The following TBC1D19 variants were observed in gnomAD, a reference collection of about 807,000 sequenced individuals.
TBC1D19 encodes the protein TBC1 domain family member 19.
Under a neutral mutation model 89.0 loss-of-function variants are expected in TBC1D19, and 60 were observed. The ratio of observed to expected loss-of-function variants is 0.67; its 90% CI spans 0.55 to 0.84. TBC1D19 has a LOEUF of 0.84. TBC1D19 is among the 40% of genes least tolerant of loss of function. TBC1D19 has a pLI of 0.00. For missense variants in TBC1D19, 500 were observed against 610.8 expected (o/e 0.82, Z 1.91); for synonymous variants, 189 against 199.7 (o/e 0.95, Z 0.45).
chr4:26,626,812 C>T (rs997161487), intron 4 of TBC1D19, among the ~76,000 whole-genome samples: 7 of 128,326 alleles, frequency 5.5e-5, no homozygotes, highest in African/African-American at 1.8e-4. Flanking sequence ...GGATAGAGCT[C>T]AAATTCTTTT....
At chr4:26,817,979 A>ATATATATATATATAT in the TBC1D19 span, among the ~76,000 whole-genome samples, 3 of 107,362 alleles carry the variant, frequency 2.8e-5, no homozygotes, top group African/African-American at 1.4e-4. Context: ...AAAAAAAAAA[A>ATATATATATATATAT]AAATATATAT....
intron 7 of TBC1D19, among the ~76,000 whole-genome samples, chr4:26,658,157 T>G (rs1744985291): frequency 6.6e-6 from 1 of 152,246 alleles, no homozygotes; most frequent in South Asian, 2.1e-4. Flanking sequence ...ACGAAGTCTT[T>G]GCCCATGCCT....
chr4:26,682,525 C>G (rs1411674351), intron 11 of TBC1D19, among the ~76,000 whole-genome samples: 1 of 152,186 alleles, frequency 6.6e-6, no homozygotes, highest in African/African-American at 2.4e-5. Context: ...CTCCTTGTCT[C>G]AGACGACCCT....
intron 1 of TBC1D19, 84 bp downstream of exon 1, chr4:26,584,376 C>T: frequency 7.6e-7 from 1 of 1,321,358 alleles, no homozygotes; most frequent in South Asian, 1.3e-5. Flanking sequence ...CAAGCCAGAG[C>T]TCGCCTCTGA....
chr4:26,620,697 T>C lies in TBC1D19; in HGVS notation c.294+9T>C. 6.2e-7 allele frequency: 1 copy of C among 1,611,982 alleles called. No homozygotes were observed. The highest frequency in any genetic ancestry group is 1.3e-5 in the African/African-American group (1 of 74,972). On this transcript the variant is annotated intron_variant, in intron 4 of 20. Coordinates refer to ENST00000264866, the MANE Select transcript of TBC1D19 (RefSeq NM_018317.4). Reference sequence around the variant, plus strand: ...ACATGAGGAAAGCACAGGTTGGCTATTGTTCAATTTCATTTTATTTTTTCA... The same window carrying C: ...ACATGAGGAAAGCACAGGTTGGCTACTGTTCAATTTCATTTTATTTTTTCA...
intron 4 of TBC1D19, among the ~76,000 whole-genome samples, chr4:26,629,187 G>A (rs962007977): frequency 8.6e-5 from 13 of 151,964 alleles, no homozygotes; most frequent in Non-Finnish European, 1.9e-4. Flanking sequence ...ATATGTTTCT[G>A]GGTATACTTG....
At chr4:26,735,102 A>ATGTATATATGTATACACATGTGTG in intron 15 of TBC1D19, among the ~76,000 whole-genome samples, 1 of 151,260 alleles carries the variant, frequency 6.6e-6, no homozygotes, top group South Asian at 2.1e-4. Context: ...ACATGTATAT[A>ATGTATATATGTATACACATGTGTG]TGTATATATG....
At chr4:26,769,382 T>A in the TBC1D19 span, among the ~76,000 whole-genome samples, 1 of 151,884 alleles carries the variant, frequency 6.6e-6, no homozygotes, top group Non-Finnish European at 1.5e-5. Flanking sequence ...AATAACCATG[T>A]GGGTAAATAG....
the TBC1D19 span, among the ~76,000 whole-genome samples, chr4:26,772,553 G>A: frequency 1.8e-4 from 28 of 152,130 alleles, no homozygotes; most frequent in East Asian, 5.0e-3. Flanking sequence ...TTGCTGCACA[G>A]ATCATCCCAT....
chr4:26,732,492 C>T (rs572679803), intron 15 of TBC1D19, among the ~76,000 whole-genome samples: 3 of 152,276 alleles, frequency 2.0e-5, no homozygotes, highest in African/African-American at 7.2e-5. Context: ...AGAACAGTGT[C>T]TGGCACATCG....
chr4:26,707,279 A>C (rs538853519), intron 13 of TBC1D19, among the ~76,000 whole-genome samples: 55 of 152,160 alleles, frequency 3.6e-4, no homozygotes, highest in Non-Finnish European at 2.2e-4. Flanking sequence ...AACTTTTGTT[A>C]ATATATAATG....
chr4:26,808,778 G>A, the TBC1D19 span, among the ~76,000 whole-genome samples: 1 of 151,638 alleles, frequency 6.6e-6, no homozygotes, highest in Admixed American at 6.6e-5. Flanking sequence ...AGCTAAGAGG[G>A]ACCTCTAGAA....
intron 11 of TBC1D19, among the ~76,000 whole-genome samples, chr4:26,682,605 G>A (rs1349613241): frequency 6.6e-6 from 1 of 152,184 alleles, no homozygotes; most frequent in Non-Finnish European, 1.5e-5. Flanking sequence ...CTTTGGGTTT[G>A]AGAGGAGGCT....
At chr4:26,610,370 G>A (rs1741288810) in intron 1 of TBC1D19, among the ~76,000 whole-genome samples, 1 of 144,692 alleles carries the variant, frequency 6.9e-6, no homozygotes, top group East Asian at 2.0e-4. Context: ...AAACCCCTCC[G>A]TTTCTGATAA....
At position 26,624,774 on chromosome 4, in the gene TBC1D19, A is replaced by T. The variant is rs76574042; in HGVS notation, c.294+4086A>T. Among the ~76,000 whole-genome samples the T allele has an allele frequency of 5.5e-4, 84 of 152,280 alleles. 1 individual carries two copies. In the East Asian group the frequency reaches 0.015, roughly 28 times the overall value. On this transcript the variant is annotated intron_variant, in intron 4 of 20. Coordinates refer to ENST00000264866, the MANE Select transcript of TBC1D19 (RefSeq NM_018317.4). Reference sequence around the variant, plus strand: ...CTGCAGAAATTCAGAAATAAATTAGATACAGATTCTGCCTTCAAGTAATTG... The same window carrying T: ...CTGCAGAAATTCAGAAATAAATTAGTTACAGATTCTGCCTTCAAGTAATTG...
intron 19 of TBC1D19, among the ~76,000 whole-genome samples, chr4:26,753,059 A>G (rs1329061907): frequency 6.6e-6 from 1 of 152,216 alleles, no homozygotes; most frequent in Non-Finnish European, 1.5e-5. Flanking sequence ...TGTAGCCAAC[A>G]TTATATTAAA....
At chr4:26,814,875 A>G in the TBC1D19 span, among the ~76,000 whole-genome samples, 1 of 152,158 alleles carries the variant, frequency 6.6e-6, no homozygotes, top group Non-Finnish European at 1.5e-5. Context: ...TCAGAAAGTT[A>G]TCTGGATGTC....
chr4:26,749,637 G>A (rs528860944), intron 19 of TBC1D19, among the ~76,000 whole-genome samples: 1 of 152,130 alleles, frequency 6.6e-6, no homozygotes, highest in Admixed American at 6.5e-5. Context: ...AGTAGAGACG[G>A]GGTTTTACCA....
intron 7 of TBC1D19, among the ~76,000 whole-genome samples, chr4:26,655,967 G>A (rs572199583): frequency 2.0e-5 from 3 of 152,106 alleles, no homozygotes; most frequent in African/African-American, 7.2e-5. Context: ...CGTCGCTCAC[G>A]CTGGGAGCTG....
Sources: allele counts gnomAD v4.1 joint callset (sites outside exome capture counted in the v4.1 genomes callset), GRCh38; gene constraint gnomAD v4.1.1; transcripts MANE v1.5; gene names NCBI Gene and HGNC (gene_info 2026-07-23, HGNC 2026-07-21).